Variants in PSMA1 observed in about 807,000 individuals in gnomAD.
PSMA1 encodes the protein proteasome 20S subunit alpha 1, also known as proteasome subunit alpha type-1.
PSMA1 carries 3 observed loss-of-function variants against 38.4 expected under a neutral mutation model. The observed-to-expected ratio is 0.08, with a 90% CI of 0.04 to 0.20. The LOEUF is 0.20. PSMA1 is among the 10% of genes least tolerant of loss of function. The pLI is 1.00. For missense variants in PSMA1, 227 were observed against 325.3 expected, an observed-to-expected ratio of 0.70 and a Z score of 2.32; for synonymous variants, 101 against 107.1, an observed-to-expected ratio of 0.94 and a Z score of 0.35.
At chr11:14,587,979 T>C (rs1170026263) in intron 2 of PSMA1, among the ~76,000 whole-genome samples, 1 of 152,256 alleles carries the variant, frequency 6.6e-6, no homozygotes, top group East Asian at 1.9e-4. Flanking sequence ...TACTCTGTAC[T>C]GGCAATTGTG....
intron 2 of PSMA1, among the ~76,000 whole-genome samples, chr11:14,548,153 T>C (rs1589989472): frequency 6.7e-6 from 1 of 149,958 alleles, no homozygotes; most frequent in Non-Finnish European, 1.5e-5. Flanking sequence ...ATTTAATATT[T>C]ATAACATACC....
At chr11:14,573,258 C>G (rs1305708141) in intron 2 of PSMA1, among the ~76,000 whole-genome samples, 2 of 152,172 alleles carry the variant, frequency 1.3e-5, no homozygotes, top group African/African-American at 4.8e-5. Context: ...ATGCAAATAT[C>G]CTCAATAAAA....
chr11:14,556,927 C>G (rs1356975889), intron 2 of PSMA1, among the ~76,000 whole-genome samples: 1 of 152,178 alleles, frequency 6.6e-6, no homozygotes, highest in African/African-American at 2.4e-5. Flanking sequence ...CCTCCAACTC[C>G]TGGGCTCAAG....
intron 1 of PSMA1, among the ~76,000 whole-genome samples, chr11:14,622,721 T>C (rs1432132400): frequency 6.6e-6 from 1 of 152,044 alleles, no homozygotes; most frequent in Non-Finnish European, 1.5e-5. Flanking sequence ...CTAGATTGAG[T>C]GACATAGAAA....
At chr11:14,529,766 G>T (rs916748526) in intron 2 of PSMA1, among the ~76,000 whole-genome samples, 3 of 152,148 alleles carry the variant, frequency 2.0e-5, no homozygotes, top group African/African-American at 7.2e-5. Context: ...CTGGCTATCA[G>T]CTCAATATTA....
chr11:14,516,452 T>G (rs1160064682), intron 4 of PSMA1, among the ~76,000 whole-genome samples: 1 of 152,232 alleles, frequency 6.6e-6, no homozygotes, highest in African/African-American at 2.4e-5. Flanking sequence ...CTCAAAGAGC[T>G]AGAATTATAG....
chr11:14,591,630 C>G (rs563559035), intron 2 of PSMA1, among the ~76,000 whole-genome samples: 1 of 152,124 alleles, frequency 6.6e-6, no homozygotes, highest in Non-Finnish European at 1.5e-5. Flanking sequence ...GTGCACCAAT[C>G]GACACTCTGT....
intron 2 of PSMA1, among the ~76,000 whole-genome samples, chr11:14,568,560 A>G (rs1438999702): frequency 1.3e-5 from 2 of 152,192 alleles, no homozygotes; most frequent in Non-Finnish European, 2.9e-5. Context: ...ACTCTAAACC[A>G]CAACTACCAG....
intron 2 of PSMA1, among the ~76,000 whole-genome samples, chr11:14,553,536 T>C (rs1391954986): frequency 1.3e-5 from 2 of 152,210 alleles, no homozygotes; most frequent in Non-Finnish European, 2.9e-5. Context: ...AATTTTATCA[T>C]TTTAGGAATG....
intron 1 of PSMA1, among the ~76,000 whole-genome samples, chr11:14,618,933 A>G (rs1852807754): frequency 6.6e-6 from 1 of 152,222 alleles, no homozygotes; most frequent in Admixed American, 6.5e-5. Context: ...TTAAGCTACT[A>G]GAATAATAAT....
intron 1 of PSMA1, among the ~76,000 whole-genome samples, chr11:14,635,461 C>A (rs917833361): frequency 6.6e-6 from 1 of 152,172 alleles, no homozygotes; most frequent in Non-Finnish European, 1.5e-5. Flanking sequence ...AGAACTGGAG[C>A]GCTGCAGTTA....
chr11:14,625,232 T>C (rs1852896585), intron 1 of PSMA1, among the ~76,000 whole-genome samples: 1 of 152,198 alleles, frequency 6.6e-6, no homozygotes, highest in Non-Finnish European at 1.5e-5. Flanking sequence ...GCAGATCACC[T>C]GAAGTCAGGA....
At chr11:14,575,343 T>C (rs569852027) in intron 2 of PSMA1, among the ~76,000 whole-genome samples, 1 of 152,130 alleles carries the variant, frequency 6.6e-6, no homozygotes, top group Non-Finnish European at 1.5e-5. Context: ...ATGTGCCATG[T>C]TGGTGTGCTG....
intron 2 of PSMA1, among the ~76,000 whole-genome samples, chr11:14,562,106 G>T (rs1852016676): frequency 6.6e-6 from 1 of 152,200 alleles, no homozygotes; most frequent in Admixed American, 6.5e-5. Context: ...CCAATGCTAT[G>T]AACATCCTCC....
chr11:14,507,572 C>A (rs1386149522), intron 9 of PSMA1, 84 bp downstream of exon 9: 2 of 969,418 alleles, frequency 2.1e-6, no homozygotes, highest in East Asian at 4.9e-5. Flanking sequence ...ATATTTAAGA[C>A]AAAATGGAAA....
At chr11:14,531,097 T>C (rs962903371) in intron 2 of PSMA1, among the ~76,000 whole-genome samples, 1 of 152,202 alleles carries the variant, frequency 6.6e-6, no homozygotes, top group Non-Finnish European at 1.5e-5. Flanking sequence ...TTGTGCTAGA[T>C]ATTCTCTGAT....
chr11:14,512,053 A>T (rs762255512), intron 7 of PSMA1, among the ~76,000 whole-genome samples: 1 of 152,226 alleles, frequency 6.6e-6, no homozygotes, highest in Non-Finnish European at 1.5e-5. Context: ...TGATTTGTAC[A>T]CTGAAAACTA....
At chr11:14,575,721 C>T (rs561150829) in intron 2 of PSMA1, among the ~76,000 whole-genome samples, 29 of 152,208 alleles carry the variant, frequency 1.9e-4, no homozygotes, top group African/African-American at 5.8e-4. Flanking sequence ...AATAAACATA[C>T]GTGTGCATGT....
chr11:14,584,799 C>A (rs996566516), intron 2 of PSMA1, among the ~76,000 whole-genome samples: 53 of 152,364 alleles, frequency 3.5e-4, no homozygotes, highest in Non-Finnish European at 1.8e-4. Context: ...TTCTCTTCCT[C>A]ATATGCCATT....
Sources: allele counts gnomAD v4.1 joint callset (sites outside exome capture counted in the v4.1 genomes callset), GRCh38; gene constraint gnomAD v4.1.1; transcripts MANE v1.5; gene names NCBI Gene and HGNC (gene_info 2026-07-23, HGNC 2026-07-21).